EPSTI1: variants seen among roughly 807,000 people sequenced by gnomAD.
EPSTI1 encodes epithelial stromal interaction 1, also known as epithelial-stromal interaction protein 1.
In EPSTI1, 66 loss-of-function variants were observed where a neutral mutation model predicts 49.9. The ratio of observed to expected loss-of-function variants is 1.32; its 90% confidence interval spans 1.08 to 1.62. The LOEUF is 1.62. EPSTI1 is among the 40% of genes most tolerant of loss of function. The probability of loss-of-function intolerance (pLI) is 0.00; values close to 1 mark genes in which losing one functional copy is unlikely to be tolerated. For synonymous variants in EPSTI1, 137 were observed against 130.7 expected (o/e 1.05, Z -0.33); for missense variants, 394 against 365.5 (o/e 1.08, Z -0.64).
intron 1 of EPSTI1, among the ~76,000 whole-genome samples, chr13:42,980,082 C>G (rs1334061901): frequency 1.3e-5 from 2 of 151,806 alleles, no homozygotes; most frequent in Non-Finnish European, 2.9e-5. Flanking sequence ...GCTTCACAAT[C>G]TGGATGTAAG....
At chr13:42,969,378 C>G (rs558836448) in intron 2 of EPSTI1, 2 of 581,392 alleles carry the variant, frequency 3.4e-6, no homozygotes, top group East Asian at 5.8e-5. Flanking sequence ...CACATTCTCA[C>G]CAAGAGTCAG....
At chr13:42,986,577 T>C (rs1444966591) in intron 1 of EPSTI1, among the ~76,000 whole-genome samples, 3 of 151,926 alleles carry the variant, frequency 2.0e-5, no homozygotes, top group East Asian at 3.9e-4. Flanking sequence ...ACCTCGTTTC[T>C]ACTAAAAATA....
intron 8 of EPSTI1, among the ~76,000 whole-genome samples, chr13:42,909,305 T>C (rs930145850): frequency 1.3e-5 from 2 of 151,986 alleles, no homozygotes; most frequent in African/African-American, 4.8e-5. Flanking sequence ...GGCAAGAATA[T>C]GGAGAAAAGG....
chr13:42,911,216 TGAGAGAGAGAGGGAGGGA>T (rs1206617674), intron 8 of EPSTI1, among the ~76,000 whole-genome samples: 2 of 151,416 alleles, frequency 1.3e-5, no homozygotes, highest in African/African-American at 4.9e-5. Flanking sequence ...GGTCTATCTG[TGAGAGAGAGAGGGAGGGA>T]GAGAGAGAGA....
chr13:42,896,011 G>GC (rs1453847063), intron 9 of EPSTI1, among the ~76,000 whole-genome samples: 1 of 152,176 alleles, frequency 6.6e-6, no homozygotes, highest in Non-Finnish European at 1.5e-5. Flanking sequence ...GTGGCTACAG[G>GC]CCAGTGACTG....
At chr13:42,990,416 G>A (rs192491777) in intron 1 of EPSTI1, among the ~76,000 whole-genome samples, 1 of 152,234 alleles carries the variant, frequency 6.6e-6, no homozygotes, top group African/African-American at 2.4e-5. Flanking sequence ...ATACTTATGC[G>A]ATGATATGAG....
At chr13:42,902,570 GA>G (rs1201961724) in intron 8 of EPSTI1, among the ~76,000 whole-genome samples, 1 of 152,152 alleles carries the variant, frequency 6.6e-6, no homozygotes, top group Admixed American at 6.5e-5. Context: ...TATGGGGAGA[GA>G]GTGATAAAAC....
intron 5 of EPSTI1, among the ~76,000 whole-genome samples, chr13:42,956,522 A>T (rs1287984204): frequency 6.6e-6 from 1 of 152,178 alleles, no homozygotes. Context: ...TAGGAAAGGA[A>T]AAATAGAGCC....
chr13:42,900,343 T>G lies in EPSTI1; in HGVS notation c.782A>C (p.Glu261Ala), dbSNP rs369430222. The change falls in exon 9 of 11, where the codon GAA becomes GCA. Residue 261 changes from glutamate to alanine, a missense_variant. By Grantham distance (107) the Glu-to-Ala change is moderately radical. Coordinates refer to ENST00000313624, the MANE Select transcript of EPSTI1 (RefSeq NM_033255.5). Reference protein sequence around the residue: ...LELKRQQQEQERAKIHQTEHR... With the variant: ...LELKRQQQEQARAKIHQTEHR... The stretch of plus-strand genomic sequence containing the variant: ...TTCAGTCTGGTGGATTTTGGCTCTT[T>G]CTTGCTCTTGCTGCTGCCGTTTCAG... The G allele has an allele frequency of 3.1e-6, 5 of 1,613,678 alleles. No homozygotes were observed. The African/African-American group carries it at 6.7e-5, about 22-fold the overall frequency.
chr13:42,935,509 A>G (rs1256068908), intron 6 of EPSTI1, among the ~76,000 whole-genome samples: 1 of 152,236 alleles, frequency 6.6e-6, no homozygotes, highest in African/African-American at 2.4e-5. Flanking sequence ...GTGGTAAAGT[A>G]GACTGGCTTC....
Position 42,888,293 on chromosome 13 carries a change from A to G in EPSTI1, c.*201T>C. 1.2e-6 allele frequency: 2 copies of G among 1,603,316 alleles called. No homozygotes were observed. Among genetic ancestry groups the G allele is most frequent in the Middle Eastern group, 1.7e-4 (1 of 6,034 alleles). ...ATTTCCCTGGCAGTAGAGATTAAAT[A>G]TGAGTTCAGGAATCAGCTCCTCCAA... On this transcript the variant is annotated 3_prime_UTR_variant, in exon 11 of 11. Coordinates refer to ENST00000313624, the MANE Select transcript of EPSTI1 (RefSeq NM_033255.5).
intron 6 of EPSTI1, among the ~76,000 whole-genome samples, chr13:42,943,705 A>G (rs1223294951): frequency 1.3e-5 from 2 of 152,210 alleles, no homozygotes; most frequent in Non-Finnish European, 2.9e-5. Flanking sequence ...TATTAATTGC[A>G]TACAGAGAAA....
At chr13:42,983,839 G>C (rs1201684330) in intron 1 of EPSTI1, among the ~76,000 whole-genome samples, 2 of 152,138 alleles carry the variant, frequency 1.3e-5, no homozygotes, top group Non-Finnish European at 2.9e-5. Context: ...ACAAGGTCTA[G>C]CACATGGCTA....
chr13:42,936,502 C>T (rs1054768747), intron 6 of EPSTI1, among the ~76,000 whole-genome samples: 3 of 152,144 alleles, frequency 2.0e-5, no homozygotes, highest in African/African-American at 2.4e-5. Flanking sequence ...TTTCTCCTTT[C>T]GGAAATATGT....
At chr13:42,913,160 A>G (rs1002516883) in intron 8 of EPSTI1, among the ~76,000 whole-genome samples, 2 of 152,056 alleles carry the variant, frequency 1.3e-5, no homozygotes, top group African/African-American at 4.8e-5. Context: ...AAAAAAAAAG[A>G]AAACTAATAA....
intron 8 of EPSTI1, among the ~76,000 whole-genome samples, chr13:42,900,915 T>C (rs1320479427): frequency 2.6e-5 from 4 of 152,216 alleles, no homozygotes; most frequent in Non-Finnish European, 4.4e-5. Flanking sequence ...AGCAGAACTT[T>C]GAGATCTCTG....
At chr13:42,956,527 A>G (rs1486936741) in intron 5 of EPSTI1, among the ~76,000 whole-genome samples, 1 of 152,200 alleles carries the variant, frequency 6.6e-6, no homozygotes, top group African/African-American at 2.4e-5. Flanking sequence ...AAGGAAAAAT[A>G]GAGCCAGTGT....
At chr13:42,911,919 T>G (rs1316411457) in intron 8 of EPSTI1, among the ~76,000 whole-genome samples, 1 of 152,236 alleles carries the variant, frequency 6.6e-6, no homozygotes, top group African/African-American at 2.4e-5. Flanking sequence ...TAAAATGTTG[T>G]AATTTTGAGT....
At chr13:42,979,068 A>T (rs1022989694) in intron 1 of EPSTI1, among the ~76,000 whole-genome samples, 4 of 152,206 alleles carry the variant, frequency 2.6e-5, no homozygotes, top group African/African-American at 9.6e-5. Flanking sequence ...TTTCTCCTGT[A>T]AATGGTAGCA....
Sources: gnomAD v4.1 joint callset for allele counts (sites outside exome capture counted in the v4.1 genomes callset) on GRCh38, gnomAD v4.1.1 for gene constraint, MANE v1.5 for transcripts, NCBI Gene and HGNC (gene_info 2026-07-23, HGNC 2026-07-21) for gene names.